Variants in MMP26 observed in about 807,000 individuals in gnomAD.
MMP26 encodes the protein matrix metalloproteinase-26.
Under a neutral mutation model 31.0 loss-of-function variants are expected in MMP26, and 33 were observed. That is an observed-to-expected ratio of 1.06 (90% CI 0.81 to 1.42). The LOEUF (loss-of-function observed/expected upper bound fraction) is 1.42, where lower values mean the gene tolerates loss of function less well. Among genes scored for constraint, MMP26 ranks in the 40% most tolerant of loss-of-function variants. MMP26 has a pLI of 0.00. For missense variants in MMP26, 347 were observed against 316.1 expected (o/e 1.10, Z -0.74); for synonymous variants, 122 against 114.9 (o/e 1.06, Z -0.40).
intron 2 of MMP26, among the ~76,000 whole-genome samples, chr11:4,982,728 A>T (rs1846832002): frequency 6.6e-6 from 1 of 152,184 alleles, no homozygotes; most frequent in African/African-American, 2.4e-5. Context: ...TATTTACATG[A>T]CTTTTAAATC....
chr11:4,727,502 G>A (rs1848116776), intron 1 of MMP26, among the ~76,000 whole-genome samples: 1 of 152,046 alleles, frequency 6.6e-6, no homozygotes, highest in South Asian at 2.1e-4. Flanking sequence ...CAAGGTACAT[G>A]ACAATCCTAA....
At chr11:4,724,925 T>G (rs558110587) in intron 1 of MMP26, among the ~76,000 whole-genome samples, 1 of 152,350 alleles carries the variant, frequency 6.6e-6, no homozygotes, top group African/African-American at 2.4e-5. Context: ...TGCCTAAATC[T>G]CACAATGAAT....
At chr11:4,821,552 A>T in intron 2 of MMP26, 1 of 1,612,772 alleles carries the variant, frequency 6.2e-7, no homozygotes, top group Non-Finnish European at 8.5e-7. Flanking sequence ...GTCTCTGGAA[A>T]TAGCATGATC....
chr11:4,850,072 C>A (rs1373136792), intron 2 of MMP26, among the ~76,000 whole-genome samples: 1 of 152,140 alleles, frequency 6.6e-6, no homozygotes, highest in Non-Finnish European at 1.5e-5. Flanking sequence ...GGCTACTGAA[C>A]ATTATAACTT....
At chr11:4,903,545 A>G (rs1440515691) in intron 2 of MMP26, among the ~76,000 whole-genome samples, 1 of 152,116 alleles carries the variant, frequency 6.6e-6, no homozygotes, top group African/African-American at 2.4e-5. Context: ...AGCTTCTTCA[A>G]CTTCAAATGT....
At chr11:4,926,935 A>G (rs550239375) in intron 2 of MMP26, among the ~76,000 whole-genome samples, 2 of 152,324 alleles carry the variant, frequency 1.3e-5, no homozygotes, top group South Asian at 4.1e-4. Flanking sequence ...AATAGGGATT[A>G]CACAGAATAG....
At chr11:4,860,357 G>A in intron 2 of MMP26, 2 of 471,236 alleles carry the variant, frequency 4.2e-6, no homozygotes, top group Non-Finnish European at 8.8e-6. Flanking sequence ...ACGTCAGTGA[G>A]AGCCAAGATA....
chr11:4,782,320 G>A (rs531952586), intron 2 of MMP26, among the ~76,000 whole-genome samples: 7 of 152,330 alleles, frequency 4.6e-5, no homozygotes, highest in African/African-American at 1.7e-4. Flanking sequence ...GGGAATTGGA[G>A]CAAAGGTGAC....
intron 2 of MMP26, chr11:4,944,053 A>G (rs1177519315): frequency 9.2e-6 from 4 of 435,920 alleles, no homozygotes; most frequent in Admixed American, 2.7e-5. Flanking sequence ...AATTAATAAA[A>G]TATGTCAACT....
At chr11:4,846,173 T>C (rs1002305922) in intron 2 of MMP26, among the ~76,000 whole-genome samples, 1 of 152,004 alleles carries the variant, frequency 6.6e-6, no homozygotes, top group African/African-American at 2.4e-5. Flanking sequence ...AACAGACAAA[T>C]AGATAAAGAA....
rs1219345557 is a variant in MMP26 at position 4,969,959 on chromosome 11, C to G, written c.-144-18109C>G. Reference sequence around the variant, plus strand: ...TACAGGCACTCACTAATCTGCATGCCAATTTGAATAAAGCTCCTTTAAGGT... The same window carrying G: ...TACAGGCACTCACTAATCTGCATGCGAATTTGAATAAAGCTCCTTTAAGGT... On this transcript the variant is annotated intron_variant, in intron 2 of 7. Coordinates refer to ENST00000380390, the MANE Select transcript of MMP26 (RefSeq NM_021801.5). Among the ~76,000 whole-genome samples the G allele has an allele frequency of 2.0e-5, 3 of 151,848 alleles. 1 individual carries two copies. The highest frequency in any genetic ancestry group is 7.3e-5 in the African/African-American group (3 of 41,344).
intron 2 of MMP26, among the ~76,000 whole-genome samples, chr11:4,790,697 C>T (rs1849014321): frequency 6.6e-6 from 1 of 152,056 alleles, no homozygotes; most frequent in Non-Finnish European, 1.5e-5. Context: ...CTTCCACACA[C>T]CCTCTCCACT....
At chr11:4,907,235 G>A in intron 2 of MMP26, 1 of 598,198 alleles carries the variant, frequency 1.7e-6, no homozygotes, top group East Asian at 2.8e-5. Context: ...CAGTTGATTA[G>A]CAGCCAAATA....
At chr11:4,785,335 A>G (rs145516030) in intron 2 of MMP26, among the ~76,000 whole-genome samples, 2 of 152,218 alleles carry the variant, frequency 1.3e-5, no homozygotes, top group African/African-American at 4.8e-5. Context: ...TTGAAGTTCA[A>G]GATCTTGTCC....
intron 1 of MMP26, among the ~76,000 whole-genome samples, chr11:4,748,884 A>G (rs1003559738): frequency 3.3e-5 from 5 of 152,102 alleles, no homozygotes; most frequent in African/African-American, 1.2e-4. Context: ...GAACTGAAAC[A>G]AGGCAAGGAT....
intron 2 of MMP26, among the ~76,000 whole-genome samples, chr11:4,798,129 C>A (rs183073446): frequency 6.6e-6 from 1 of 152,308 alleles, no homozygotes; most frequent in East Asian, 1.9e-4. Context: ...TACGACGGCC[C>A]ATACTTAAGA....
At chr11:4,986,936 T>TCTCTCTCTCTCTCTCTCTCTCCCC (rs1846904524) in intron 2 of MMP26, among the ~76,000 whole-genome samples, 1 of 113,134 alleles carries the variant, frequency 8.8e-6, no homozygotes, top group African/African-American at 4.6e-5. Flanking sequence ...TCTCTCCCTC[T>TCTCTCTCTCTCTCTCTCTCTCCCC]CTCTCTCTCT....
At chr11:4,812,375 C>T (rs866706046) in intron 2 of MMP26, among the ~76,000 whole-genome samples, 5 of 152,072 alleles carry the variant, frequency 3.3e-5, no homozygotes, top group South Asian at 2.1e-4. Context: ...AGGCAAGTCT[C>T]GATCCATTTA....
At position 4,951,969 on chromosome 11, in the gene MMP26, G is replaced by T. The variant is rs12809039; in HGVS notation, c.-144-36099G>T. 4.9e-5 allele frequency among the ~76,000 whole-genome samples: 6 copies of T among 123,162 alleles called. 1 individual carries two copies. Among genetic ancestry groups the T allele is most frequent in the Admixed American group, 2.7e-4 (3 of 11,034 alleles). The allele number at this position is 123,162 out of a possible 152,430, so 80.8% of individuals were successfully genotyped here. ...AGTTAGCGGTGATAACAACTTCTTT[G>T]CAGCACTTAAGTGTCCTGTAGCTCA... On this transcript the variant is annotated intron_variant, in intron 2 of 7. Coordinates refer to ENST00000380390, the MANE Select transcript of MMP26 (RefSeq NM_021801.5).
Sources: allele counts gnomAD v4.1 joint callset (sites outside exome capture counted in the v4.1 genomes callset), GRCh38; gene constraint gnomAD v4.1.1; transcripts MANE v1.5; gene names NCBI Gene and HGNC (gene_info 2026-07-23, HGNC 2026-07-21).